Variants in KCNMA1 observed in about 807,000 individuals in gnomAD.
KCNMA1 encodes potassium calcium-activated channel subfamily M alpha 1, also known as Calcium-activated potassium channel subunit alpha-1.
A neutral mutation model predicts 140.0 loss-of-function variants in KCNMA1; 29 were observed. The observed-to-expected ratio is 0.21, with a 90% CI of 0.15 to 0.28. KCNMA1 has a LOEUF of 0.28. Ranked by LOEUF, KCNMA1 falls within the 10% of genes least tolerant of loss-of-function variation. KCNMA1 has a pLI of 1.00. For missense variants in KCNMA1, 880 were observed against 1,602.2 expected (o/e 0.55, Z 7.70); for synonymous variants, 612 against 611.9 (o/e 1.00, Z 0.00).
intron 1 of KCNMA1, among the ~76,000 whole-genome samples, chr10:77,409,930 T>C (rs1054520905): frequency 3.3e-5 from 5 of 152,198 alleles, no homozygotes; most frequent in Non-Finnish European, 7.3e-5. Context: ...TCCTGCCTTG[T>C]CACCCTGCCT....
chr10:77,055,786 A>C (rs2095522295), intron 14 of KCNMA1, among the ~76,000 whole-genome samples: 1 of 152,188 alleles, frequency 6.6e-6, no homozygotes, highest in African/African-American at 2.4e-5. Context: ...CCCTTCCATC[A>C]AAAGATCAAA....
chr10:77,532,763 T>A (rs2154553204), intron 1 of KCNMA1, among the ~76,000 whole-genome samples: 1 of 148,382 alleles, frequency 6.7e-6, no homozygotes, highest in African/African-American at 2.5e-5. Context: ...AAGCAAATGG[T>A]TTTTTCAAAG....
intron 19 of KCNMA1, chr10:76,977,476 C>T (rs984174927): frequency 3.1e-5 from 21 of 685,440 alleles, no homozygotes; most frequent in African/African-American, 1.4e-4. Flanking sequence ...CCATCTCTAA[C>T]GACAAAGTTG....
chr10:77,363,061 G>C (rs1374745075), intron 2 of KCNMA1, among the ~76,000 whole-genome samples: 1 of 152,142 alleles, frequency 6.6e-6, no homozygotes, highest in Admixed American at 6.5e-5. Flanking sequence ...TCAAGTCCTC[G>C]TGCTGTCAAG....
intron 1 of KCNMA1, among the ~76,000 whole-genome samples, chr10:77,509,958 T>C (rs1567232885): frequency 6.6e-6 from 1 of 151,688 alleles, no homozygotes; most frequent in Admixed American, 6.6e-5. Context: ...TACAACCTTA[T>C]GGGGCTGATA....
intron 2 of KCNMA1, among the ~76,000 whole-genome samples, chr10:77,331,201 C>T (rs562411766): frequency 1.1e-4 from 16 of 152,270 alleles, no homozygotes; most frequent in Admixed American, 4.6e-4. Flanking sequence ...TGGCCTGACC[C>T]ACCCCAGCTG....
chr10:77,496,118 A>G (rs1171347875), intron 1 of KCNMA1, among the ~76,000 whole-genome samples: 1 of 152,072 alleles, frequency 6.6e-6, no homozygotes, highest in African/African-American at 2.4e-5. Context: ...AGCATCCTCC[A>G]TGCAGCTGTG....
At chr10:77,164,891 G>A (rs537934875) in intron 5 of KCNMA1, among the ~76,000 whole-genome samples, 3 of 152,042 alleles carry the variant, frequency 2.0e-5, no homozygotes, top group African/African-American at 7.2e-5. Context: ...CTTGTATTAG[G>A]GATATTTTCC....
In KCNMA1 at chr10:77,093,176, G is replaced by A. The variant is rs143763516; in HGVS notation, c.1224-2666C>T. 8.1e-3 allele frequency among the ~76,000 whole-genome samples: 1,230 copies of A among 152,178 alleles called. 16 individuals are homozygous for A. Among genetic ancestry groups the A allele is most frequent in the African/African-American group, 0.028 (1,154 of 41,494 alleles). Reference sequence around the variant, plus strand: ...GACAATTGAAAATATATATCTTTTAGCCACAGCATGATTTCTGGGGTGGAG... The same window carrying A: ...GACAATTGAAAATATATATCTTTTAACCACAGCATGATTTCTGGGGTGGAG... On this transcript the variant is annotated intron_variant, in intron 9 of 27. Transcript: ENST00000286628.
intron 1 of KCNMA1, among the ~76,000 whole-genome samples, chr10:77,553,781 A>C (rs1031668013): frequency 6.6e-6 from 1 of 152,206 alleles, no homozygotes; most frequent in African/African-American, 2.4e-5. Flanking sequence ...GGTAACCAAA[A>C]GGACAGAAGG....
chr10:77,587,676 A>G (rs2077652526), intron 1 of KCNMA1: 1 of 984,332 alleles, frequency 1.0e-6, no homozygotes, highest in Non-Finnish European at 1.2e-6. Flanking sequence ...GAATCTGTGG[A>G]AGGTACACAT....
chr10:77,146,071 G>A (rs554435508), intron 5 of KCNMA1, among the ~76,000 whole-genome samples: 20 of 152,304 alleles, frequency 1.3e-4, no homozygotes, highest in African/African-American at 4.6e-4. Context: ...CCATATTGGG[G>A]ATACAAATGT....
At chr10:77,260,223 G>C (rs2061669749) in intron 2 of KCNMA1, among the ~76,000 whole-genome samples, 2 of 152,200 alleles carry the variant, frequency 1.3e-5, no homozygotes, top group South Asian at 2.1e-4. Flanking sequence ...AAAGGGGATG[G>C]GGGGAGCTGA....
chr10:77,084,796 C>T lies in KCNMA1; in HGVS notation c.1441-77G>A, dbSNP rs921371123. On this transcript the variant is annotated intron_variant, in intron 11 of 27. Transcript: ENST00000286628. ...CTCGAGTGTAGTCTCTCTCTGTTGA[C>T]AGCTTCTTGGGGAAGCTTTGCAAAG... The T allele has an allele frequency of 6.0e-6, 6 of 1,006,228 alleles. No homozygotes were observed. The African/African-American group carries it at 7.9e-5, about 13-fold the overall frequency. 62.3% of individuals were successfully genotyped at this position (1,006,228 alleles called of 1,614,324 possible). A position where few individuals can be genotyped will look rare whatever the true frequency, so the allele number is the denominator to read the frequency against.
intron 9 of KCNMA1, among the ~76,000 whole-genome samples, chr10:77,100,819 T>C (rs2097079148): frequency 6.6e-6 from 1 of 152,190 alleles, no homozygotes; most frequent in Non-Finnish European, 1.5e-5. Context: ...ATCAGAATCT[T>C]CAGCAATTAT....
intron 2 of KCNMA1, among the ~76,000 whole-genome samples, chr10:77,299,446 C>T (rs2076041443): frequency 6.6e-6 from 1 of 152,174 alleles, no homozygotes; most frequent in Admixed American, 6.5e-5. Context: ...CTGGCCCACG[C>T]CTGCAGCTGC....
intron 2 of KCNMA1, among the ~76,000 whole-genome samples, chr10:77,252,296 T>C (rs1196294312): frequency 2.0e-5 from 3 of 152,326 alleles, no homozygotes; most frequent in South Asian, 4.1e-4. Flanking sequence ...ATAAAGAAGA[T>C]GCTTTCAGCC....
chr10:77,153,835 C>T (rs2098452603), intron 5 of KCNMA1, among the ~76,000 whole-genome samples: 1 of 152,192 alleles, frequency 6.6e-6, no homozygotes, highest in African/African-American at 2.4e-5. Flanking sequence ...TGAGTGCTCA[C>T]CAAGTCCTGC....
intron 1 of KCNMA1, among the ~76,000 whole-genome samples, chr10:77,430,880 A>G (rs113618827): frequency 0.023 from 3,484 of 152,312 alleles, 124 homozygotes; most frequent in African/African-American, 0.08. Context: ...TAGGCAACAC[A>G]TGCTAAGGAC....
Sources: allele counts gnomAD v4.1 joint callset (sites outside exome capture counted in the v4.1 genomes callset), GRCh38; gene constraint gnomAD v4.1.1; transcripts MANE v1.5; gene names NCBI Gene and HGNC (gene_info 2026-07-23, HGNC 2026-07-21).